The following LARP4 variants were observed in gnomAD, a reference collection of about 807,000 sequenced individuals.
The protein encoded by LARP4 is la-related protein 4.
Under a neutral mutation model 92.9 loss-of-function variants are expected in LARP4, and 29 were observed. That is an observed-to-expected ratio of 0.31 (90% CI 0.23 to 0.43). The LOEUF (loss-of-function observed/expected upper bound fraction) is 0.43. Among genes scored for constraint, LARP4 ranks in the 20% least tolerant of loss-of-function variants. The pLI, the probability that LARP4 is intolerant of heterozygous loss-of-function variation, is 1.00. For synonymous variants in LARP4, 279 were observed against 284.1 expected (o/e 0.98, Z 0.18); for missense variants, 732 against 860.0 (o/e 0.85, Z 1.86).
At chr12:50,402,225 G>C (rs1009348658) in intron 1 of LARP4, among the ~76,000 whole-genome samples, 14 of 151,630 alleles carry the variant, frequency 9.2e-5, no homozygotes, top group Non-Finnish European at 1.9e-4. Flanking sequence ...AACTGATATT[G>C]TGTCGCCGAT....
At chr12:50,426,185 T>C (rs1411004363) in intron 1 of LARP4, among the ~76,000 whole-genome samples, 1 of 152,162 alleles carries the variant, frequency 6.6e-6, no homozygotes, top group Non-Finnish European at 1.5e-5. Flanking sequence ...TGCTGTCTCC[T>C]TCCCACTGTC....
At chr12:50,412,177 A>G (rs1315304563) in intron 1 of LARP4, among the ~76,000 whole-genome samples, 2 of 152,172 alleles carry the variant, frequency 1.3e-5, no homozygotes, top group African/African-American at 4.8e-5. Context: ...TGAGTGAAGA[A>G]TTCCCACTTT....
At chr12:50,453,923 G>C (rs772058474) in intron 9 of LARP4, among the ~76,000 whole-genome samples, 4 of 151,928 alleles carry the variant, frequency 2.6e-5, no homozygotes, top group African/African-American at 9.7e-5. Flanking sequence ...CACTATGCCC[G>C]GCCACTTTTT....
Position 50,475,050 on chromosome 12 carries a change from CTT to C in LARP4, c.1837-474_1837-473del, listed in dbSNP as rs1299955251. On this transcript the variant is annotated intron_variant, in intron 15 of 15. Transcript: ENST00000398473. ...ATATTATTAGGACTAGTGCTGAAGA[CTT>C]TACATGTTTTATTCTGTTCTCACAA... 7.2e-5 allele frequency among the ~76,000 whole-genome samples: 11 copies of C among 152,280 alleles called. No individual in the cohort carries two copies. The East Asian group carries it at 2.1e-3, about 29-fold the overall frequency.
rs147822568 is a variant in LARP4 at position 50,469,458 on chromosome 12, G to A, written c.1545+2338G>A. Among the ~76,000 whole-genome samples, 1,206 of 152,114 alleles carry A rather than the reference G, an allele frequency of 7.9e-3. 14 individuals are homozygous for A. Among genetic ancestry groups the A allele is most frequent in the African/African-American group, 0.028 (1,154 of 41,514 alleles). On this transcript the variant is annotated intron_variant, in intron 13 of 15. Coordinates refer to ENST00000398473, the MANE Select transcript of LARP4 (RefSeq NM_052879.5). ...TCTCTACTAGAAATACAAAAAATTA[G>A]CCAGGCATGGTGGCGGGTGCCTGTA... is the stretch of plus-strand genomic sequence containing the variant.
intron 1 of LARP4, among the ~76,000 whole-genome samples, chr12:50,406,211 T>C (rs757429522): frequency 1.3e-5 from 2 of 152,170 alleles, no homozygotes; most frequent in Non-Finnish European, 2.9e-5. Flanking sequence ...GTCTCATGCC[T>C]GTAATCTCAA....
At chr12:50,436,500 A>G (rs558062603) in intron 5 of LARP4, among the ~76,000 whole-genome samples, 102 of 152,364 alleles carry the variant, frequency 6.7e-4, no homozygotes, top group African/African-American at 2.4e-3. Flanking sequence ...GTGACAGTTC[A>G]ATATACACCA....
intron 2 of LARP4, 87 bp from the exon 3 acceptor site, chr12:50,428,848 C>CT: frequency 1.0e-6 from 1 of 978,612 alleles, no homozygotes; most frequent in African/African-American, 1.7e-5. Context: ...TCCTTAAAAT[C>CT]TTTTTATAGG....
At chr12:50,428,304 A>G (rs1291119738) in intron 2 of LARP4, among the ~76,000 whole-genome samples, 6 of 152,196 alleles carry the variant, frequency 3.9e-5, no homozygotes, top group Non-Finnish European at 7.3e-5. Flanking sequence ...CTGGGATTAC[A>G]GGTGTGAACC....
intron 13 of LARP4, among the ~76,000 whole-genome samples, chr12:50,468,372 C>T (rs889377739): frequency 6.6e-6 from 1 of 151,662 alleles, no homozygotes; most frequent in African/African-American, 2.4e-5. Flanking sequence ...CTGCTCACTG[C>T]GAGCTCTGCC....
In LARP4 at chr12:50,469,642, G is replaced by A. The variant is rs572238934; in HGVS notation, c.1545+2522G>A. Among the ~76,000 whole-genome samples, 12 of 148,430 alleles carry A rather than the reference G, an allele frequency of 8.1e-5. No homozygotes were observed. In the East Asian group the frequency reaches 2.4e-3, roughly 29 times the overall value. On this transcript the variant is annotated intron_variant, in intron 13 of 15. Transcript: ENST00000398473. ...AAAAAAAGTAAAGGCGGGGCACAGTGGCTCAAGCCTGTAATCCCCGCACTT... is the reference window on the plus strand; with the variant it reads ...AAAAAAAGTAAAGGCGGGGCACAGTAGCTCAAGCCTGTAATCCCCGCACTT...
At chr12:50,469,370 C>G (rs977804336) in intron 13 of LARP4, among the ~76,000 whole-genome samples, 2 of 150,644 alleles carry the variant, frequency 1.3e-5, no homozygotes, top group Non-Finnish European at 3.0e-5. Context: ...TTTGGGAGGC[C>G]GAGGCAGGCA....
rs555028723 is a variant in LARP4 at position 50,460,116 on chromosome 12, CAG to C, written c.1122-1016_1122-1015del. ...CACCACTGCGCTCCAGCCCGGGCAA[CAG>C]AGCAAGACTCCATCTCACCAAAAAA... is the stretch of plus-strand genomic sequence containing the variant. On this transcript the variant is annotated intron_variant, in intron 10 of 15. Coordinates refer to ENST00000398473, the MANE Select transcript of LARP4 (RefSeq NM_052879.5). Among the ~76,000 whole-genome samples the C allele has an allele frequency of 1.5e-3, 215 of 146,852 alleles. 2 individuals are homozygous for C. The highest frequency in any genetic ancestry group is 4.4e-3 in the Admixed American group (64 of 14,386).
At chr12:50,463,911 G>T (rs1422332135) in intron 12 of LARP4, among the ~76,000 whole-genome samples, 1 of 152,114 alleles carries the variant, frequency 6.6e-6, no homozygotes, top group Non-Finnish European at 1.5e-5. Flanking sequence ...GCAGGTTTCT[G>T]TCTGGACTTA....
intron 1 of LARP4, among the ~76,000 whole-genome samples, chr12:50,409,779 A>G (rs544602552): frequency 6.6e-6 from 1 of 151,178 alleles, no homozygotes; most frequent in Non-Finnish European, 1.5e-5. Context: ...AAAAAAAAGA[A>G]AAGAAAAAGA....
At chr12:50,463,839 G>C (rs1026337422) in intron 12 of LARP4, among the ~76,000 whole-genome samples, 1 of 152,132 alleles carries the variant, frequency 6.6e-6, no homozygotes, top group African/African-American at 2.4e-5. Flanking sequence ...GAGGGCTCCA[G>C]CCCCGTATTT....
intron 1 of LARP4, 125 bp from the exon 2 acceptor site, chr12:50,427,637 A>G: frequency 2.2e-6 from 1 of 452,158 alleles, no homozygotes; most frequent in Non-Finnish European, 3.7e-6. Context: ...ATTATTTATT[A>G]TTTGTTAAAT....
At chr12:50,407,910 G>T (rs1489022234) in intron 1 of LARP4, among the ~76,000 whole-genome samples, 1 of 152,124 alleles carries the variant, frequency 6.6e-6, no homozygotes, top group Non-Finnish European at 1.5e-5. Flanking sequence ...TAATGTAAAA[G>T]TGTAAGTAAA....
At chr12:50,467,196 T>G in intron 13 of LARP4, 76 bp downstream of exon 13, 1 of 1,123,694 alleles carries the variant, frequency 8.9e-7, no homozygotes, top group South Asian at 1.9e-5. Context: ...ATTTAAAATT[T>G]TACTTGCACT....
Sources: allele counts gnomAD v4.1 joint callset (sites outside exome capture counted in the v4.1 genomes callset), GRCh38; gene constraint gnomAD v4.1.1; transcripts MANE v1.5; gene names NCBI Gene and HGNC (gene_info 2026-07-23, HGNC 2026-07-21).